Variants in MAP4K3 observed in about 807,000 individuals in gnomAD.
MAP4K3 encodes mitogen-activated protein kinase kinase kinase kinase 3.
Under a neutral mutation model 143.5 loss-of-function variants are expected in MAP4K3, and 94 were observed. The ratio of observed to expected loss-of-function variants is 0.65; its 90% CI spans 0.55 to 0.78. The LOEUF (loss-of-function observed/expected upper bound fraction) is 0.78, where lower values mean the gene tolerates loss of function less well. Among genes scored for constraint, MAP4K3 ranks in the 30% least tolerant of loss-of-function variants. MAP4K3 has a pLI of 0.00. For missense variants in MAP4K3, 1,077 were observed against 1,068.1 expected, an observed-to-expected ratio of 1.01 and a Z score of -0.12; for synonymous variants, 416 against 347.2, an observed-to-expected ratio of 1.20 and a Z score of -2.20.
intron 23 of MAP4K3, 66 bp downstream of exon 23, chr2:39,280,206 C>A (rs1681456796): frequency 4.4e-6 from 4 of 901,632 alleles, no homozygotes; most frequent in Non-Finnish European, 6.5e-6. Flanking sequence ...AACAAAATCA[C>A]AAATGCTTTC....
At chr2:39,368,258 G>A (rs1199012837) in intron 2 of MAP4K3, among the ~76,000 whole-genome samples, 1 of 152,130 alleles carries the variant, frequency 6.6e-6, no homozygotes, top group East Asian at 1.9e-4. Flanking sequence ...CTGGAGTAAG[G>A]ACAGAAAAAG....
chr2:39,375,997 T>C (rs999592830), intron 2 of MAP4K3, among the ~76,000 whole-genome samples: 2 of 152,236 alleles, frequency 1.3e-5, no homozygotes, highest in Admixed American at 6.5e-5. Context: ...CTGTTTCCAA[T>C]TTTGAGACAT....
At chr2:39,436,336 A>AAAAAAAATT in intron 1 of MAP4K3, among the ~76,000 whole-genome samples, 1 of 151,842 alleles carries the variant, frequency 6.6e-6, no homozygotes, top group Non-Finnish European at 1.5e-5. Context: ...AAAAAAAGTC[A>AAAAAAAATT]TTACTCTGGA....
intron 26 of MAP4K3, among the ~76,000 whole-genome samples, chr2:39,268,541 G>T (rs576096461): frequency 7.9e-5 from 12 of 151,534 alleles, no homozygotes; most frequent in African/African-American, 2.4e-4. Context: ...AGCTGGTCTC[G>T]GACTCCTGAG....
At chr2:39,314,510 G>C (rs928333416) in intron 13 of MAP4K3, among the ~76,000 whole-genome samples, 1 of 152,136 alleles carries the variant, frequency 6.6e-6, no homozygotes, top group African/African-American at 2.4e-5. Context: ...AATTTTATAT[G>C]ATCACACAAC....
intron 1 of MAP4K3, among the ~76,000 whole-genome samples, chr2:39,407,325 C>A (rs1386296683): frequency 6.6e-6 from 1 of 150,954 alleles, no homozygotes; most frequent in Non-Finnish European, 1.5e-5. Flanking sequence ...AATGTCTGCT[C>A]TCACCACTTC....
Position 39,355,852 on chromosome 2 carries a change from T to C in MAP4K3, c.245+397A>G, listed in dbSNP as rs10182967. Among the ~76,000 whole-genome samples the C allele has an allele frequency of 3.0e-3, 451 of 152,302 alleles. 6 individuals are homozygous for C. The highest frequency in any genetic ancestry group is 9.1e-3 in the African/African-American group (379 of 41,558). ...GAAGGAAAGGGATAAAGTAATATAG[T>C]ACTCTTAGACCAGAAGCACAAAATT... On this transcript the variant is annotated intron_variant, in intron 3 of 33. Coordinates refer to ENST00000263881, the MANE Select transcript of MAP4K3 (RefSeq NM_003618.4).
At chr2:39,420,812 C>CATTGAAGAATTCTT (rs1310548412) in intron 1 of MAP4K3, among the ~76,000 whole-genome samples, 12 of 152,160 alleles carry the variant, frequency 7.9e-5, no homozygotes, top group African/African-American at 2.7e-4. Flanking sequence ...ACACTCCCAT[C>CATTGAAGAATTCTT]ATTGAAGAAT....
chr2:39,333,396 T>C (rs1683743940), intron 7 of MAP4K3, 136 bp downstream of exon 7: 2 of 652,150 alleles, frequency 3.1e-6, no homozygotes, highest in African/African-American at 3.7e-5. Flanking sequence ...GGTGACAGCA[T>C]GGCAACGAGA....
At chr2:39,310,889 T>C (rs1682916637) in intron 13 of MAP4K3, among the ~76,000 whole-genome samples, 1 of 152,192 alleles carries the variant, frequency 6.6e-6, no homozygotes, top group Non-Finnish European at 1.5e-5. Context: ...GATATTTTCA[T>C]GTATCTGATG....
chr2:39,405,735 G>A (rs190951435), intron 1 of MAP4K3, among the ~76,000 whole-genome samples: 2 of 152,268 alleles, frequency 1.3e-5, no homozygotes, highest in East Asian at 3.9e-4. Context: ...AGCTGCAGTG[G>A]TGTGCACCTG....
intron 15 of MAP4K3, among the ~76,000 whole-genome samples, chr2:39,304,566 A>G (rs1239793809): frequency 1.3e-5 from 2 of 152,268 alleles, no homozygotes; most frequent in Admixed American, 1.3e-4. Flanking sequence ...ACAGAGGATA[A>G]TAACAAATGC....
Position 39,250,716 on chromosome 2 carries a change from T to C in MAP4K3, c.2598-11A>G, listed in dbSNP as rs541164780. ...TCCAAAACCACGACCCTGAAAGTAA[T>C]AAAAAACATATAACAAAACAAAGTT... On this transcript the variant is annotated splice_polypyrimidine_tract_variant and intron_variant, in intron 33 of 33. Transcript: ENST00000263881. 6.4e-5 allele frequency: 103 copies of C among 1,606,234 alleles called. 1 individual carries two copies. In the East Asian group the frequency reaches 1.5e-3, roughly 24 times the overall value.
At chr2:39,376,769 C>T (rs1249064908) in intron 2 of MAP4K3, among the ~76,000 whole-genome samples, 1 of 152,188 alleles carries the variant, frequency 6.6e-6, no homozygotes, top group Admixed American at 6.5e-5. Context: ...ACACAAAATA[C>T]TTCTCATTAG....
At chr2:39,373,581 C>T (rs6544221) in intron 2 of MAP4K3, among the ~76,000 whole-genome samples, 116,250 of 152,136 alleles carry the variant, frequency 0.76, 45,980 homozygotes, top group Non-Finnish European at 0.86. Context: ...GTGATACATA[C>T]GTACAATGGA....
At chr2:39,261,751 G>A (rs549663245) in intron 28 of MAP4K3, among the ~76,000 whole-genome samples, 1 of 152,154 alleles carries the variant, frequency 6.6e-6, no homozygotes, top group South Asian at 2.1e-4. Context: ...ATAAACTATA[G>A]CTATGTCCAG....
chr2:39,265,162 C>G (rs1355763257), intron 28 of MAP4K3, 41 bp downstream of exon 28: 1 of 1,285,936 alleles, frequency 7.8e-7, no homozygotes, highest in Non-Finnish European at 1.1e-6. Flanking sequence ...GGTTGACAAG[C>G]TTTTATAGTA....
intron 1 of MAP4K3, among the ~76,000 whole-genome samples, chr2:39,411,605 G>A (rs1667234296): frequency 6.6e-6 from 1 of 152,224 alleles, no homozygotes; most frequent in Non-Finnish European, 1.5e-5. Flanking sequence ...GACCACTGGT[G>A]AGAAAGTGGA....
At chr2:39,266,064 G>C (rs1680748980) in intron 27 of MAP4K3, among the ~76,000 whole-genome samples, 1 of 152,174 alleles carries the variant, frequency 6.6e-6, no homozygotes, top group Non-Finnish European at 1.5e-5. Flanking sequence ...AAAGAAAACA[G>C]AGAAGTCTAT....
Sources: allele counts gnomAD v4.1 joint callset (sites outside exome capture counted in the v4.1 genomes callset), GRCh38; gene constraint gnomAD v4.1.1; transcripts MANE v1.5; gene names NCBI Gene and HGNC (gene_info 2026-07-23, HGNC 2026-07-21).